The following RCHY1 variants were observed in gnomAD, a reference collection of about 807,000 sequenced individuals.
RCHY1 encodes the protein RING finger and CHY zinc finger domain-containing protein 1.
In RCHY1, 21 loss-of-function variants were observed where a neutral mutation model predicts 41.6. The ratio of observed to expected loss-of-function variants is 0.51; its 90% CI spans 0.36 to 0.73. The LOEUF (loss-of-function observed/expected upper bound fraction) is 0.73, where lower values mean the gene tolerates loss of function less well. Among genes scored for constraint, RCHY1 ranks in the 30% least tolerant of loss-of-function variants. The probability of loss-of-function intolerance (pLI) is 0.00; values close to 1 mark genes in which losing one functional copy is unlikely to be tolerated. For synonymous variants in RCHY1, 79 were observed against 102.9 expected (o/e 0.77, Z 1.41); for missense variants, 265 against 325.3 (o/e 0.81, Z 1.43).
intron 8 of RCHY1, among the ~76,000 whole-genome samples, chr4:75,490,278 C>T (rs944905623): frequency 1.1e-4 from 16 of 151,914 alleles, no homozygotes; most frequent in African/African-American, 3.4e-4. Context: ...GTGATCCAAC[C>T]CTAGTCAGTT....
At chr4:75,493,043 T>G (rs984299739) in intron 4 of RCHY1, among the ~76,000 whole-genome samples, 1 of 151,976 alleles carries the variant, frequency 6.6e-6, no homozygotes, top group Non-Finnish European at 1.5e-5. Context: ...AATTAGTGTG[T>G]GCACACACAC....
At chr4:75,497,328 T>C (rs1400286196) in intron 3 of RCHY1, among the ~76,000 whole-genome samples, 1 of 152,278 alleles carries the variant, frequency 6.6e-6, no homozygotes, top group East Asian at 1.9e-4. Context: ...TGTGTTTACC[T>C]ACAGTAACCT....
intron 2 of RCHY1, 96 bp downstream of exon 2, chr4:75,509,079 AGT>A: frequency 5.4e-6 from 7 of 1,289,216 alleles, no homozygotes; most frequent in Non-Finnish European, 7.5e-6. Context: ...TTATTCTAGA[AGT>A]TAAAGAAATC....
At chr4:75,500,177 A>G (rs1339928029) in intron 3 of RCHY1, among the ~76,000 whole-genome samples, 1 of 152,186 alleles carries the variant, frequency 6.6e-6, no homozygotes, top group African/African-American at 2.4e-5. Flanking sequence ...GGATAACCCA[A>G]TTAGCCTGAT....
chr4:75,479,715 G>C lies in RCHY1; in HGVS notation c.*2823C>G, dbSNP rs536740341. 1 of 151,986 alleles carries C rather than the reference G, an allele frequency of 6.6e-6. No individual in the cohort carries two copies. The highest frequency in any genetic ancestry group is 1.5e-5 in the Non-Finnish European group (1 of 67,962). The allele number at this position is 151,986 out of a possible 1,614,324, so 9.4% of individuals were successfully genotyped here. On this transcript the variant is annotated 3_prime_UTR_variant, in exon 9 of 9. Transcript: ENST00000324439. ...GCACCAAAAAATTCGTAAGGGTATT[G>C]TTATTTTACTTTTTTCAAAAATAAT...
chr4:75,491,639 T>G lies in RCHY1; in HGVS notation c.510-2A>C. On this transcript the variant is annotated splice_acceptor_variant, in intron 6 of 8. Transcript: ENST00000324439. LOFTEE classifies it high-confidence loss of function. Reference sequence around the variant, plus strand: ...TTCAACATTTCTTCATAACACGTTCTGAAAGAAAATATAAGATTATTTTAG... The same window carrying G: ...TTCAACATTTCTTCATAACACGTTCGGAAAGAAAATATAAGATTATTTTAG... The G allele has an allele frequency of 2.5e-6, 4 of 1,600,546 alleles. No individual in the cohort carries two copies. The highest frequency in any genetic ancestry group is 3.4e-6 in the Non-Finnish European group (4 of 1,168,868).
rs938818173 is a variant in RCHY1 at position 75,508,759 on chromosome 4, T to C, written c.326+61A>G. 3 of 927,054 alleles carry C rather than the reference T, an allele frequency of 3.2e-6. No homozygotes were observed. The African/African-American group carries it at 5.1e-5, about 16-fold the overall frequency. The allele number at this position is 927,054 out of a possible 1,614,324, so 57.4% of individuals were successfully genotyped here. ...AATTACACCTTAATAAAGTTGATTT[T>C]AAAAACTATTATTGCATATACATTA... is the stretch of plus-strand genomic sequence containing the variant. On this transcript the variant is annotated intron_variant, in intron 3 of 8. Transcript: ENST00000324439.
At chr4:75,499,658 C>A (rs1723559009) in intron 3 of RCHY1, among the ~76,000 whole-genome samples, 1 of 152,100 alleles carries the variant, frequency 6.6e-6, no homozygotes, top group Non-Finnish European at 1.5e-5. Flanking sequence ...TTAAGCGAAA[C>A]AAGCCAACCA....
chr4:75,496,160 C>A (rs998820462), intron 3 of RCHY1, among the ~76,000 whole-genome samples: 1 of 152,090 alleles, frequency 6.6e-6, no homozygotes, highest in Admixed American at 6.6e-5. Flanking sequence ...GACCTACCCT[C>A]CCATCTGAAA....
rs550974890 is a variant in RCHY1 at position 75,488,941 on chromosome 4, G to A, written c.657+1640C>T. Among the ~76,000 whole-genome samples, 28 of 152,186 alleles carry A rather than the reference G, an allele frequency of 1.8e-4. No homozygotes were observed. In the South Asian group the frequency reaches 5.6e-3, roughly 31 times the overall value. ...AATACAAAAATTAGCCAGGTGTGGT[G>A]GCGGGCACCTGTAATCCCAGCTACT... On this transcript the variant is annotated intron_variant, in intron 8 of 8. Transcript: ENST00000324439.
chr4:75,512,812 G>A (rs574382814), intron 1 of RCHY1, among the ~76,000 whole-genome samples: 2 of 146,326 alleles, frequency 1.4e-5, no homozygotes, highest in East Asian at 4.0e-4. Flanking sequence ...AAATCCAAAG[G>A]GCAATTCTCA....
intron 1 of RCHY1, among the ~76,000 whole-genome samples, chr4:75,510,304 G>T (rs1019873827): frequency 6.6e-6 from 1 of 152,084 alleles, no homozygotes; most frequent in African/African-American, 2.4e-5. Flanking sequence ...TGCATCACTC[G>T]CCTTGGAATT....
At chr4:75,514,055 A>G (rs947992497) in intron 1 of RCHY1, 142 bp downstream of exon 1, 3 of 1,348,878 alleles carry the variant, frequency 2.2e-6, no homozygotes, top group African/African-American at 2.9e-5. Flanking sequence ...GTTCTCCTCA[A>G]GAAGAACCCA....
chr4:75,482,537 G>A lies in RCHY1; in HGVS notation c.*1C>T, dbSNP rs960600308. ...AAGTTCTCCAGTACTGTGTAGGCTC[G>A]TCATTGCTGATCCAGTGAAATTCTA... On this transcript the variant is annotated 3_prime_UTR_variant, in exon 9 of 9. Coordinates refer to ENST00000324439, the MANE Select transcript of RCHY1 (RefSeq NM_015436.4). The A allele has an allele frequency of 7.5e-6, 12 of 1,600,604 alleles. No homozygotes were observed. Among genetic ancestry groups the A allele is most frequent in the South Asian group, 2.2e-5 (2 of 88,924 alleles).
At chr4:75,495,757 T>C (rs1035427697) in intron 3 of RCHY1, among the ~76,000 whole-genome samples, 2 of 152,090 alleles carry the variant, frequency 1.3e-5, no homozygotes, top group South Asian at 2.1e-4. Flanking sequence ...TGTCACAAGA[T>C]GCTAAATCCA....
At chr4:75,485,278 C>T (rs1721896360) in intron 8 of RCHY1, among the ~76,000 whole-genome samples, 1 of 152,204 alleles carries the variant, frequency 6.6e-6, no homozygotes. Flanking sequence ...GGGCTCCACC[C>T]TGAACTCAGT....
chr4:75,503,157 T>C (rs1027761725), intron 3 of RCHY1, among the ~76,000 whole-genome samples: 1 of 152,182 alleles, frequency 6.6e-6, no homozygotes, highest in African/African-American at 2.4e-5. Context: ...CTCTATCCAG[T>C]AGATGTCATT....
intron 3 of RCHY1, among the ~76,000 whole-genome samples, chr4:75,507,998 T>C (rs1189102782): frequency 6.6e-6 from 1 of 152,078 alleles, no homozygotes; most frequent in African/African-American, 2.4e-5. Context: ...CAAAGGCATG[T>C]TCATTTGTTA....
In RCHY1 at chr4:75,481,435, T is replaced by C. The variant is rs566410617; in HGVS notation, c.*1103A>G. On this transcript the variant is annotated 3_prime_UTR_variant, in exon 9 of 9. Transcript: ENST00000324439. ...AGTCGGCTGGATCATCAAACATATT[T>C]GTTAACTTTGTTCCTGAAGTAAGAG... is the stretch of plus-strand genomic sequence containing the variant. The C allele has an allele frequency of 4.6e-5, 7 of 152,316 alleles. No individual in the cohort carries two copies. In the East Asian group the frequency reaches 1.2e-3, roughly 25 times the overall value. The allele number at this position is 152,316 out of a possible 1,614,324, so 9.4% of individuals were successfully genotyped here.
Sources: allele counts gnomAD v4.1 joint callset (sites outside exome capture counted in the v4.1 genomes callset), GRCh38; gene constraint gnomAD v4.1.1; transcripts MANE v1.5; gene names NCBI Gene and HGNC (gene_info 2026-07-23, HGNC 2026-07-21).